PDE7B: variants seen among roughly 807,000 people sequenced by gnomAD.
PDE7B encodes phosphodiesterase 7B, also known as 3',5'-cyclic-AMP phosphodiesterase 7B.
PDE7B carries 29 observed loss-of-function variants against 56.2 expected under a neutral mutation model. The ratio of observed to expected loss-of-function variants is 0.52; its 90% confidence interval spans 0.38 to 0.70. The LOEUF is 0.70. PDE7B is among the 30% of genes least tolerant of loss of function. The pLI is 0.00. For missense variants in PDE7B, 490 were observed against 565.0 expected (o/e 0.87, Z 1.35); for synonymous variants, 197 against 196.9 (o/e 1.00, Z 0.00).
intron 3 of PDE7B, among the ~76,000 whole-genome samples, chr6:136,125,656 A>G (rs1778011458): frequency 6.6e-6 from 1 of 152,178 alleles, no homozygotes; most frequent in Admixed American, 6.5e-5. Context: ...TTATGTAAGT[A>G]GTGGTATAGG....
intron 1 of PDE7B, among the ~76,000 whole-genome samples, chr6:135,889,750 ATTTT>A (rs35311247): frequency 0.049 from 3,678 of 74,686 alleles, 134 homozygotes; most frequent in African/African-American, 0.15. Flanking sequence ...CGGTGCTACC[ATTTT>A]TTTTTTTTTT....
chr6:136,138,961 T>A (rs1264697675), intron 3 of PDE7B, among the ~76,000 whole-genome samples: 1 of 152,122 alleles, frequency 6.6e-6, no homozygotes, highest in Non-Finnish European at 1.5e-5. Flanking sequence ...ATTTAATTAC[T>A]GGATTTTTTT....
intron 1 of PDE7B, among the ~76,000 whole-genome samples, chr6:135,863,737 A>T (rs1775197809): frequency 6.7e-6 from 1 of 148,818 alleles, no homozygotes. Context: ...GGCTGATACT[A>T]AAATCTATAA....
chr6:135,937,855 A>G (rs539682278), intron 1 of PDE7B, among the ~76,000 whole-genome samples: 1 of 152,254 alleles, frequency 6.6e-6, no homozygotes, highest in Non-Finnish European at 1.5e-5. Context: ...ATAAAACCCC[A>G]TGATTTACAT....
intron 8 of PDE7B, among the ~76,000 whole-genome samples, chr6:136,171,883 C>A (rs1167590516): frequency 6.7e-6 from 1 of 148,552 alleles, no homozygotes; most frequent in Admixed American, 6.9e-5. Context: ...TGAGAATATG[C>A]AGTGTTTGGT....
chr6:135,887,901 CT>C lies in PDE7B; in HGVS notation c.21+35883del, dbSNP rs1775737671. ...CTTTCAGCCCAATGTTTAGATTCCCCTGTAATCCAATCATGATTTACCTTTT... is the reference window on the plus strand; with the variant it reads ...CTTTCAGCCCAATGTTTAGATTCCCCGTAATCCAATCATGATTTACCTTTT... On this transcript the variant is annotated intron_variant, in intron 1 of 12. Transcript: ENST00000308191. Among the ~76,000 whole-genome samples the C allele has an allele frequency of 3.9e-5, 6 of 152,138 alleles. No homozygotes were observed. In the South Asian group the frequency reaches 1.2e-3, roughly 32 times the overall value.
At chr6:135,970,986 T>C (rs1484728833) in intron 2 of PDE7B, among the ~76,000 whole-genome samples, 1 of 152,094 alleles carries the variant, frequency 6.6e-6, no homozygotes, top group African/African-American at 2.4e-5. Context: ...TAAGGGATAG[T>C]GGATGGCATG....
At chr6:136,105,841 G>A (rs192213113) in intron 2 of PDE7B, among the ~76,000 whole-genome samples, 23 of 152,248 alleles carry the variant, frequency 1.5e-4, no homozygotes, top group African/African-American at 4.3e-4. Context: ...AAAACTTTAC[G>A]TAATAATGGG....
intron 11 of PDE7B, among the ~76,000 whole-genome samples, chr6:136,186,518 A>AT (rs981741856): frequency 1.3e-5 from 2 of 152,142 alleles, no homozygotes. Context: ...AGAATGGGAG[A>AT]TTCTGATTAA....
intron 2 of PDE7B, among the ~76,000 whole-genome samples, chr6:135,993,490 C>T (rs907575273): frequency 1.9e-4 from 29 of 152,264 alleles, no homozygotes; most frequent in African/African-American, 5.8e-4. Context: ...CAGGGTTGAG[C>T]GCCCCTGATA....
At chr6:135,934,780 T>TTATATATATATTTTAAATATATATATTTA (rs1774366322) in intron 1 of PDE7B, among the ~76,000 whole-genome samples, 2 of 118,472 alleles carry the variant, frequency 1.7e-5, no homozygotes, top group Non-Finnish European at 3.3e-5. Context: ...TATATATTTA[T>TTATATATATATTTTAAATATATATATTTA]TATATATATA....
intron 8 of PDE7B, among the ~76,000 whole-genome samples, chr6:136,166,752 G>A (rs190010335): frequency 6.6e-6 from 1 of 152,108 alleles, no homozygotes; most frequent in East Asian, 1.9e-4. Flanking sequence ...ATTTGGCTGG[G>A]GACACAGATA....
chr6:136,177,116 GA>G (rs945356544), intron 9 of PDE7B, among the ~76,000 whole-genome samples: 123 of 146,126 alleles, frequency 8.4e-4, no homozygotes, highest in Middle Eastern at 3.5e-3. Flanking sequence ...TCTTAAAGAG[GA>G]AAAAAAAAAC....
At chr6:136,028,585 T>C (rs1776190214) in intron 2 of PDE7B, among the ~76,000 whole-genome samples, 1 of 152,214 alleles carries the variant, frequency 6.6e-6, no homozygotes. Flanking sequence ...TTTCCTGCCT[T>C]TTTTATCTTT....
At chr6:136,168,636 T>A (rs1316511271) in intron 8 of PDE7B, among the ~76,000 whole-genome samples, 1 of 152,038 alleles carries the variant, frequency 6.6e-6, no homozygotes, top group Non-Finnish European at 1.5e-5. Context: ...TGAAATAGGG[T>A]GGCTTCTATG....
intron 2 of PDE7B, chr6:136,038,167 G>A: frequency 1.5e-6 from 2 of 1,299,046 alleles, no homozygotes; most frequent in South Asian, 1.2e-5. Context: ...CCCTGCCTGG[G>A]AAGAATTTCC....
chr6:135,942,766 G>A (rs1053598698), intron 1 of PDE7B, among the ~76,000 whole-genome samples: 1 of 151,728 alleles, frequency 6.6e-6, no homozygotes, highest in Non-Finnish European at 1.5e-5. Flanking sequence ...TCTGTACCTG[G>A]CTTATTTCAT....
chr6:135,934,864 A>AATATTTATTTAAATATATATTT (rs1774376281), intron 1 of PDE7B, among the ~76,000 whole-genome samples: 1 of 94,844 alleles, frequency 1.1e-5, no homozygotes, highest in African/African-American at 4.7e-5. Context: ...AATATATATA[A>AATATTTATTTAAATATATATTT]AAATATATAT....
At chr6:136,161,666 A>C (rs1778705846) in intron 8 of PDE7B, among the ~76,000 whole-genome samples, 1 of 152,214 alleles carries the variant, frequency 6.6e-6, no homozygotes, top group Non-Finnish European at 1.5e-5. Context: ...TAAGGATTTC[A>C]CTACACAAGA....
Sources: gnomAD v4.1 joint callset for allele counts (sites outside exome capture counted in the v4.1 genomes callset) on GRCh38, gnomAD v4.1.1 for gene constraint, MANE v1.5 for transcripts, NCBI Gene and HGNC (gene_info 2026-07-23, HGNC 2026-07-21) for gene names.